Variants in FTO observed in about 807,000 individuals in gnomAD.
FTO encodes FTO alpha-ketoglutarate dependent dioxygenase.
A neutral mutation model predicts 63.9 loss-of-function variants in FTO; 47 were observed. That is an observed-to-expected ratio of 0.74 (90% CI 0.58 to 0.94). The LOEUF is 0.94. FTO is among the 40% of genes least tolerant of loss of function. The pLI, the probability that FTO is intolerant of heterozygous loss-of-function variation, is 0.00. For synonymous variants in FTO, 207 were observed against 224.4 expected (o/e 0.92, Z 0.69); for missense variants, 562 against 618.1 (o/e 0.91, Z 0.96).
chr16:53,991,312 T>G (rs2083805525), intron 8 of FTO: 1 of 152,222 alleles, frequency 6.6e-6, no homozygotes, highest in Non-Finnish European at 1.5e-5. Flanking sequence ...GCACTGTTAA[T>G]TGTTAAGCTG....
chr16:53,814,568 T>G (rs532742052), intron 2 of FTO: 2 of 152,412 alleles, frequency 1.3e-5, no homozygotes, highest in South Asian at 4.1e-4. Context: ...GATTTAAGTC[T>G]GGGCTGTTGG....
intron 8 of FTO, among the ~76,000 whole-genome samples, chr16:54,015,145 A>G (rs189064707): frequency 1.2e-4 from 19 of 152,246 alleles, no homozygotes; most frequent in African/African-American, 4.6e-4. Flanking sequence ...GATTGCAGGC[A>G]TGAGCCACCA....
At chr16:53,753,218 A>G (rs1339737976) in intron 1 of FTO, among the ~76,000 whole-genome samples, 1 of 150,162 alleles carries the variant, frequency 6.7e-6, no homozygotes, top group Non-Finnish European at 1.5e-5. Flanking sequence ...GCATCACTGC[A>G]TTCCAGCATG....
intron 8 of FTO, among the ~76,000 whole-genome samples, chr16:53,970,097 A>T (rs904384295): frequency 2.6e-5 from 4 of 152,238 alleles, no homozygotes; most frequent in Non-Finnish European, 5.9e-5. Context: ...TGCCTGTTGC[A>T]TGGTGAGGAG....
intron 8 of FTO, among the ~76,000 whole-genome samples, chr16:53,959,426 A>G (rs765046684): frequency 1.4e-4 from 21 of 152,218 alleles, no homozygotes; most frequent in Non-Finnish European, 2.6e-4. Context: ...ACCAGTCACT[A>G]TAAAACAAGG....
chr16:53,759,477 T>C (rs1443053927), intron 1 of FTO, among the ~76,000 whole-genome samples: 5 of 152,016 alleles, frequency 3.3e-5, no homozygotes, highest in Non-Finnish European at 7.4e-5. Flanking sequence ...GAGGATCAGC[T>C]GAGGTCAAGA....
At chr16:54,062,567 C>T (rs1216708102) in intron 8 of FTO, among the ~76,000 whole-genome samples, 1 of 152,092 alleles carries the variant, frequency 6.6e-6, no homozygotes, top group Non-Finnish European at 1.5e-5. Flanking sequence ...TTGTAGAGAC[C>T]TCGGAAGCTG....
At chr16:54,005,892 G>A (rs1304452249) in intron 8 of FTO, among the ~76,000 whole-genome samples, 4 of 152,316 alleles carry the variant, frequency 2.6e-5, no homozygotes, top group Admixed American at 6.5e-5. Flanking sequence ...AAGCATCAAT[G>A]TGTTGGTGGG....
At chr16:54,108,209 A>G (rs968208351) in intron 8 of FTO, among the ~76,000 whole-genome samples, 12 of 152,322 alleles carry the variant, frequency 7.9e-5, no homozygotes, top group African/African-American at 2.9e-4. Flanking sequence ...TTATTTTGCA[A>G]GAGACTATGT....
At chr16:53,872,293 G>A (rs2080522640) in intron 4 of FTO, among the ~76,000 whole-genome samples, 1 of 152,186 alleles carries the variant, frequency 6.6e-6, no homozygotes, top group Non-Finnish European at 1.5e-5. Flanking sequence ...GCACAGGTCA[G>A]TGCTCTTCCA....
At chr16:53,761,023 C>A (rs1356358857) in intron 1 of FTO, among the ~76,000 whole-genome samples, 1 of 151,350 alleles carries the variant, frequency 6.6e-6, no homozygotes, top group Non-Finnish European at 1.5e-5. Context: ...CTTTCTTTCC[C>A]TTTCCCTTTC....
At chr16:53,815,636 G>GTTTTTCTTGTTT (rs1456280699) in intron 2 of FTO, among the ~76,000 whole-genome samples, 1 of 98,160 alleles carries the variant, frequency 1.0e-5, no homozygotes, top group African/African-American at 5.4e-5. Flanking sequence ...TGACTTTCTT[G>GTTTTTCTTGTTT]TTTTTTTTTT....
intron 4 of FTO, among the ~76,000 whole-genome samples, chr16:53,848,127 CT>C (rs1279349653): frequency 5.3e-5 from 8 of 151,866 alleles, no homozygotes; most frequent in African/African-American, 1.7e-4. Context: ...TCCTTCATCT[CT>C]TTTTTTTAAA....
chr16:54,097,984 T>C (rs949288604), intron 8 of FTO, among the ~76,000 whole-genome samples: 1 of 152,120 alleles, frequency 6.6e-6, no homozygotes, highest in African/African-American at 2.4e-5. Flanking sequence ...GGTTCTAATA[T>C]GCTGAGACTG....
intron 5 of FTO, among the ~76,000 whole-genome samples, chr16:53,875,878 G>A (rs2080636376): frequency 6.6e-6 from 1 of 152,196 alleles, no homozygotes; most frequent in Non-Finnish European, 1.5e-5. Flanking sequence ...TAATGGAGAT[G>A]GGGCTTTGCC....
At chr16:53,979,387 A>C in intron 8 of FTO, 1 of 398,620 alleles carries the variant, frequency 2.5e-6, no homozygotes, top group Non-Finnish European at 4.4e-6. Flanking sequence ...GGACCAATTT[A>C]CAGATTCATC....
chr16:53,858,485 A>T (rs1183018942), intron 4 of FTO, among the ~76,000 whole-genome samples: 1 of 152,170 alleles, frequency 6.6e-6, no homozygotes, highest in Admixed American at 6.5e-5. Context: ...CATGGAAGTG[A>T]AAAGTCTTTC....
At chr16:53,966,112 C>G (rs962006122) in intron 8 of FTO, among the ~76,000 whole-genome samples, 1 of 152,188 alleles carries the variant, frequency 6.6e-6, no homozygotes, top group Non-Finnish European at 1.5e-5. Flanking sequence ...AAGTGATCCG[C>G]CCACCTTGTC....
chr16:53,857,206 T>G (rs948135705), intron 4 of FTO, among the ~76,000 whole-genome samples: 1 of 152,156 alleles, frequency 6.6e-6, no homozygotes, highest in African/African-American at 2.4e-5. Flanking sequence ...TAGTACCTGA[T>G]AGATAATTTT....
Sources: gnomAD v4.1 joint callset for allele counts (sites outside exome capture counted in the v4.1 genomes callset) on GRCh38, gnomAD v4.1.1 for gene constraint, MANE v1.5 for transcripts, NCBI Gene and HGNC (gene_info 2026-07-23, HGNC 2026-07-21) for gene names.